Variants in CACNA1E observed in about 807,000 individuals in gnomAD.
CACNA1E encodes the protein voltage-dependent R-type calcium channel subunit alpha-1E.
A neutral mutation model predicts 259.2 loss-of-function variants in CACNA1E; 40 were observed. That is an observed-to-expected ratio of 0.15 (90% confidence interval 0.12 to 0.20). The LOEUF is 0.20. CACNA1E is among the 10% of genes least tolerant of loss of function. The pLI is 1.00. For synonymous variants in CACNA1E, 1,104 were observed against 1,138.5 expected, an observed-to-expected ratio of 0.97 and a Z score of 0.61; for missense variants, 1,874 against 3,040.1, an observed-to-expected ratio of 0.62 and a Z score of 9.02.
intron 7 of CACNA1E, among the ~76,000 whole-genome samples, chr1:181,674,333 C>T (rs577737682): frequency 1.7e-4 from 23 of 132,310 alleles, no homozygotes; most frequent in African/African-American, 5.8e-4. Flanking sequence ...GCGGAGCTTG[C>T]AGTGAGCCGA....
intron 2 of CACNA1E, among the ~76,000 whole-genome samples, chr1:181,420,875 C>T (rs931895433): frequency 1.3e-5 from 2 of 152,142 alleles, no homozygotes; most frequent in African/African-American, 4.8e-5. Flanking sequence ...ATTGTAATTG[C>T]CTGTTTACAT....
intron 2 of CACNA1E, among the ~76,000 whole-genome samples, chr1:181,433,517 T>G (rs186526859): frequency 1.6e-3 from 251 of 152,306 alleles, no homozygotes; most frequent in Non-Finnish European, 2.7e-3. Context: ...TTTTCTTTCA[T>G]TACAAAAGAC....
chr1:181,603,240 G>A (rs2103072957), intron 6 of CACNA1E, among the ~76,000 whole-genome samples: 1 of 152,294 alleles, frequency 6.6e-6, no homozygotes, highest in South Asian at 2.1e-4. Context: ...AGCGCTCTGT[G>A]GATATAAACC....
At chr1:181,504,976 G>A (rs1318949741) in intron 1 of CACNA1E, among the ~76,000 whole-genome samples, 1 of 152,116 alleles carries the variant, frequency 6.6e-6, no homozygotes, top group Admixed American at 6.5e-5. Flanking sequence ...TATGAAATGA[G>A]GCCTCTAGTG....
intron 1 of CACNA1E, among the ~76,000 whole-genome samples, chr1:181,350,679 C>T (rs565269227): frequency 2.0e-5 from 3 of 152,302 alleles, no homozygotes; most frequent in South Asian, 2.1e-4. Context: ...CATTTCCACC[C>T]AGACTGGGGC....
At chr1:181,438,000 T>A (rs7544354) in intron 2 of CACNA1E, among the ~76,000 whole-genome samples, 1,665 of 152,300 alleles carry the variant, frequency 0.011, 34 homozygotes, top group African/African-American at 0.036. Flanking sequence ...ACTTATGCCA[T>A]CCTCCAGTCT....
intron 3 of CACNA1E, among the ~76,000 whole-genome samples, chr1:181,555,634 G>C (rs1648640296): frequency 6.6e-6 from 1 of 152,180 alleles, no homozygotes. Flanking sequence ...AATAGGTTAG[G>C]ACTTAATGGT....
intron 3 of CACNA1E, among the ~76,000 whole-genome samples, chr1:181,549,178 A>T (rs1647852490): frequency 6.6e-6 from 1 of 152,182 alleles, no homozygotes; most frequent in Non-Finnish European, 1.5e-5. Flanking sequence ...GGGCAGAAAG[A>T]GCTCTGGACT....
intron 6 of CACNA1E, among the ~76,000 whole-genome samples, chr1:181,621,890 T>G (rs1291145919): frequency 6.6e-6 from 1 of 152,196 alleles, no homozygotes; most frequent in Non-Finnish European, 1.5e-5. Context: ...CTCTAGTTAC[T>G]GAGCCAGCTT....
At chr1:181,580,833 T>A in intron 6 of CACNA1E, 57 bp downstream of exon 6, 1 of 1,544,712 alleles carries the variant, frequency 6.5e-7, no homozygotes. Context: ...GATGGAGGCT[T>A]CTGTGGTTGT....
intron 25 of CACNA1E, among the ~76,000 whole-genome samples, chr1:181,748,905 A>G (rs184368650): frequency 6.0e-4 from 91 of 152,272 alleles, no homozygotes; most frequent in African/African-American, 2.0e-3. Flanking sequence ...TGCTTGGTAT[A>G]TGGATGAATA....
chr1:181,405,663 C>T (rs566786530), intron 1 of CACNA1E, among the ~76,000 whole-genome samples: 1 of 152,346 alleles, frequency 6.6e-6, no homozygotes, highest in Non-Finnish European at 1.5e-5. Context: ...CTCCTCCCCT[C>T]ACTCCTTCCT....
intron 6 of CACNA1E, among the ~76,000 whole-genome samples, chr1:181,624,027 G>A (rs180751273): frequency 3.9e-5 from 6 of 152,304 alleles, no homozygotes; most frequent in African/African-American, 7.2e-5. Flanking sequence ...TGGTGAGGGC[G>A]TCAAGCTGCT....
At chr1:181,504,896 C>G (rs906839556) in intron 1 of CACNA1E, among the ~76,000 whole-genome samples, 3 of 152,202 alleles carry the variant, frequency 2.0e-5, no homozygotes, top group Non-Finnish European at 4.4e-5. Context: ...TGGAGCAACA[C>G]AGGTCCTCAT....
intron 3 of CACNA1E, among the ~76,000 whole-genome samples, chr1:181,518,685 G>A (rs563851730): frequency 6.6e-6 from 1 of 152,254 alleles, no homozygotes; most frequent in East Asian, 1.9e-4. Flanking sequence ...TCTCATGTAT[G>A]CACTCTGTCT....
At chr1:181,580,101 T>C (rs767093162) in intron 5 of CACNA1E, among the ~76,000 whole-genome samples, 5 of 152,216 alleles carry the variant, frequency 3.3e-5, no homozygotes, top group Non-Finnish European at 7.3e-5. Flanking sequence ...CTTTCCACCT[T>C]GGATTTCTAT....
At chr1:181,781,110 T>C (rs1660388527) in intron 38 of CACNA1E, among the ~76,000 whole-genome samples, 1 of 152,094 alleles carries the variant, frequency 6.6e-6, no homozygotes, top group South Asian at 2.1e-4. Context: ...CCGTGACTGT[T>C]CCCATGGAGA....
At chr1:181,388,000 T>C (rs1655972162) in intron 1 of CACNA1E, among the ~76,000 whole-genome samples, 2 of 152,198 alleles carry the variant, frequency 1.3e-5, no homozygotes, top group Admixed American at 6.5e-5. Flanking sequence ...CCCTCCTTCA[T>C]GTGAACTGGT....
At chr1:181,538,203 C>T (rs942085509) in intron 3 of CACNA1E, among the ~76,000 whole-genome samples, 2 of 152,154 alleles carry the variant, frequency 1.3e-5, no homozygotes, top group Non-Finnish European at 2.9e-5. Context: ...CATTTTAAAT[C>T]TTTCTGCTTT....
Sources: allele counts gnomAD v4.1 joint callset (sites outside exome capture counted in the v4.1 genomes callset), GRCh38; gene constraint gnomAD v4.1.1; transcripts MANE v1.5; gene names NCBI Gene and HGNC (gene_info 2026-07-23, HGNC 2026-07-21).